ATP9A: variants seen among roughly 807,000 people sequenced by gnomAD.
ATP9A encodes the protein probable phospholipid-transporting ATPase IIA.
ATP9A carries 52 observed loss-of-function variants against 144.1 expected under a neutral mutation model. The observed-to-expected ratio is 0.36, with a 90% CI of 0.29 to 0.45. The LOEUF is 0.45. ATP9A is among the 20% of genes least tolerant of loss of function. ATP9A has a pLI of 1.00. For missense variants in ATP9A, 947 were observed against 1,392.7 expected (o/e 0.68, Z 5.09); for synonymous variants, 582 against 557.4 (o/e 1.04, Z -0.62).
At chr20:51,663,793 C>CAG (rs1555834378) in intron 13 of ATP9A, among the ~76,000 whole-genome samples, 3 of 58,602 alleles carry the variant, frequency 5.1e-5, no homozygotes, top group African/African-American at 1.1e-4. Context: ...GACTCCGTCT[C>CAG]AGAAAAAAAA....
At chr20:51,725,793 T>C (rs111339585) in intron 3 of ATP9A, 26 bp downstream of exon 3, 7 of 1,463,054 alleles carry the variant, frequency 4.8e-6, no homozygotes, top group Non-Finnish European at 6.7e-6. Flanking sequence ...CTAAGGTTAC[T>C]GAACAAACAA....
intron 25 of ATP9A, among the ~76,000 whole-genome samples, 163 bp downstream of exon 25, chr20:51,608,355 C>A (rs1262494657): frequency 6.6e-6 from 1 of 152,146 alleles, no homozygotes; most frequent in Non-Finnish European, 1.5e-5. Flanking sequence ...TAAACTCCCA[C>A]ACCTTCCCCC....
intron 1 of ATP9A, among the ~76,000 whole-genome samples, chr20:51,739,821 C>T (rs531539944): frequency 1.3e-5 from 2 of 152,222 alleles, no homozygotes; most frequent in Admixed American, 6.5e-5. Context: ...GTGTTCTTCT[C>T]CCTGGGGTTG....
chr20:51,641,189 T>A (rs2077317165), intron 14 of ATP9A, among the ~76,000 whole-genome samples: 1 of 151,734 alleles, frequency 6.6e-6, no homozygotes, highest in Non-Finnish European at 1.5e-5. Flanking sequence ...TGAAATCCAG[T>A]CTCTACTAAA....
chr20:51,641,612 C>G (rs1172528026), intron 14 of ATP9A, among the ~76,000 whole-genome samples: 1 of 151,172 alleles, frequency 6.6e-6, no homozygotes, highest in Non-Finnish European at 1.5e-5. Context: ...GTCAGGAGTT[C>G]GAGACCAGCC....
At chr20:51,707,489 G>T (rs1012098007) in intron 4 of ATP9A, among the ~76,000 whole-genome samples, 3 of 152,114 alleles carry the variant, frequency 2.0e-5, no homozygotes, top group African/African-American at 7.2e-5. Context: ...CTCTTCCCAT[G>T]CAAGAGCTTC....
intron 1 of ATP9A, among the ~76,000 whole-genome samples, chr20:51,738,021 TCTAAAA>T (rs571992692): frequency 1.0e-3 from 154 of 150,750 alleles, no homozygotes; most frequent in African/African-American, 3.6e-3. Flanking sequence ...AGACTCAGCC[TCTAAAA>T]CATTTTTTTT....
chr20:51,642,676 AAACCAT>A (rs2122751454), intron 14 of ATP9A, among the ~76,000 whole-genome samples: 1 of 135,586 alleles, frequency 7.4e-6, no homozygotes, highest in South Asian at 2.5e-4. Flanking sequence ...CAGTAAGCTG[AAACCAT>A]GCCACTGCAC....
chr20:51,646,456 C>A (rs1181667067), intron 14 of ATP9A, among the ~76,000 whole-genome samples: 1 of 152,192 alleles, frequency 6.6e-6, no homozygotes. Flanking sequence ...CCTAATCCAG[C>A]CTTTCAAAAT....
chr20:51,692,982 C>T (rs1254133153), intron 7 of ATP9A, among the ~76,000 whole-genome samples: 1 of 152,132 alleles, frequency 6.6e-6, no homozygotes, highest in South Asian at 2.1e-4. Context: ...GGAGTGGCTT[C>T]GATCCATGTG....
intron 4 of ATP9A, among the ~76,000 whole-genome samples, chr20:51,710,290 C>T (rs1307765450): frequency 4.7e-5 from 7 of 148,246 alleles, no homozygotes; most frequent in African/African-American, 1.5e-4. Flanking sequence ...GCAACAAGAG[C>T]GAAACTCCGT....
Position 51,598,207 on chromosome 20 carries a change from T to C in ATP9A, c.*3004A>G, listed in dbSNP as rs887944193. The C allele has an allele frequency of 4.5e-5, 1 of 22,220 alleles. No homozygotes were observed. The highest frequency in any genetic ancestry group is 1.5e-4 in the African/African-American group (1 of 6,882). 1.4% of individuals were successfully genotyped at this position (22,220 alleles called of 1,614,324 possible). ...AAAAAGAGAGACAAAAAGGAAGGGG[T>C]GGGGGGAGGGGAAGAAACCAAATAG... is the stretch of plus-strand genomic sequence containing the variant. On this transcript the variant is annotated 3_prime_UTR_variant, in exon 28 of 28. Coordinates refer to ENST00000338821, the MANE Select transcript of ATP9A (RefSeq NM_006045.3).
intron 1 of ATP9A, among the ~76,000 whole-genome samples, chr20:51,733,127 C>T (rs1388299862): frequency 6.6e-6 from 1 of 152,096 alleles, no homozygotes; most frequent in Non-Finnish European, 1.5e-5. Context: ...TACAGTTATG[C>T]TATTTATTAA....
intron 15 of ATP9A, among the ~76,000 whole-genome samples, chr20:51,630,091 G>A (rs1043399019): frequency 3.9e-5 from 6 of 152,188 alleles, no homozygotes; most frequent in African/African-American, 9.7e-5. Context: ...AGCATCTGAC[G>A]GGTGGAGGCC....
chr20:51,688,794 T>C (rs1260489173), intron 9 of ATP9A, among the ~76,000 whole-genome samples: 2 of 151,986 alleles, frequency 1.3e-5, no homozygotes, highest in Non-Finnish European at 2.9e-5. Flanking sequence ...TGGTACAGAT[T>C]AGAATGTCAA....
At chr20:51,655,274 G>A (rs188293602) in intron 14 of ATP9A, among the ~76,000 whole-genome samples, 75 of 152,218 alleles carry the variant, frequency 4.9e-4, no homozygotes, top group Non-Finnish European at 8.4e-4. Context: ...GAAAATTCAC[G>A]TTTTAAAAAG....
chr20:51,616,436 A>G (rs928647879), intron 22 of ATP9A, among the ~76,000 whole-genome samples: 2 of 152,156 alleles, frequency 1.3e-5, no homozygotes, highest in African/African-American at 4.8e-5. Context: ...CTCCTGCCTC[A>G]GCCTCCTGAG....
chr20:51,721,087 C>T (rs2077686968), intron 3 of ATP9A, among the ~76,000 whole-genome samples: 1 of 152,176 alleles, frequency 6.6e-6, no homozygotes, highest in Admixed American at 6.5e-5. Flanking sequence ...GAAGAAATGA[C>T]CTCCCTTCCT....
chr20:51,756,926 T>A (rs78408675), intron 1 of ATP9A, among the ~76,000 whole-genome samples: 3,756 of 151,994 alleles, frequency 0.025, 41 homozygotes, highest in Middle Eastern at 0.082. Context: ...GTTTTTTTTT[T>A]AAAAAGACAG....
Sources: gnomAD v4.1 joint callset for allele counts (sites outside exome capture counted in the v4.1 genomes callset) on GRCh38, gnomAD v4.1.1 for gene constraint, MANE v1.5 for transcripts, NCBI Gene and HGNC (gene_info 2026-07-23, HGNC 2026-07-21) for gene names.